CTNNA3: variants seen among roughly 807,000 people sequenced by gnomAD.
The protein encoded by CTNNA3 is catenin alpha-3.
In CTNNA3, 76 loss-of-function variants were observed where a neutral mutation model predicts 95.7. The observed-to-expected ratio is 0.79, with a 90% CI of 0.66 to 0.96. CTNNA3 has a LOEUF of 0.96. Ranked by LOEUF, CTNNA3 falls within the 40% of genes least tolerant of loss-of-function variation. The pLI is 0.00. For missense variants in CTNNA3, 1,191 were observed against 1,089.8 expected, an observed-to-expected ratio of 1.09 and a Z score of -1.31; for synonymous variants, 431 against 374.4, an observed-to-expected ratio of 1.15 and a Z score of -1.74.
At chr10:66,272,825 A>AG (rs755755880) in intron 13 of CTNNA3, among the ~76,000 whole-genome samples, 26 of 152,126 alleles carry the variant, frequency 1.7e-4, no homozygotes, top group Non-Finnish European at 2.8e-4. Context: ...CCTTATCCAC[A>AG]GGGGTTATGT....
intron 4 of CTNNA3, among the ~76,000 whole-genome samples, chr10:67,533,734 T>C (rs1181370817): frequency 6.6e-6 from 1 of 152,210 alleles, no homozygotes; most frequent in Non-Finnish European, 1.5e-5. Context: ...GACTGTGTCC[T>C]TGTAAATGTT....
At chr10:66,998,478 T>C (rs774285369) in intron 7 of CTNNA3, among the ~76,000 whole-genome samples, 1 of 152,246 alleles carries the variant, frequency 6.6e-6, no homozygotes, top group Non-Finnish European at 1.5e-5. Context: ...ATATTGCAAA[T>C]TATATTTTTA....
At chr10:65,984,605 A>G (rs1288231512) in intron 16 of CTNNA3, among the ~76,000 whole-genome samples, 1 of 151,302 alleles carries the variant, frequency 6.6e-6, no homozygotes, top group Non-Finnish European at 1.5e-5. Context: ...GCTAAAAACA[A>G]TGACATAATT....
At chr10:66,159,952 A>G (rs2084758407) in intron 13 of CTNNA3, among the ~76,000 whole-genome samples, 1 of 151,884 alleles carries the variant, frequency 6.6e-6, no homozygotes, top group African/African-American at 2.4e-5. Flanking sequence ...TAAGTTTTCT[A>G]GTTTATTTAC....
intron 1 of CTNNA3, among the ~76,000 whole-genome samples, chr10:67,751,574 C>T (rs535947380): frequency 4.0e-5 from 6 of 151,686 alleles, no homozygotes; most frequent in Non-Finnish European, 8.8e-5. Flanking sequence ...GCTAACTAGA[C>T]TAATGAAGAA....
intron 5 of CTNNA3, among the ~76,000 whole-genome samples, chr10:67,504,324 G>C (rs1001080349): frequency 6.7e-6 from 1 of 149,342 alleles, no homozygotes; most frequent in Non-Finnish European, 1.5e-5. Context: ...GTGATGGCAG[G>C]CGCCTGTAGT....
At chr10:67,754,825 C>G (rs1204647651) in intron 1 of CTNNA3, among the ~76,000 whole-genome samples, 1 of 152,056 alleles carries the variant, frequency 6.6e-6, no homozygotes, top group African/African-American at 2.4e-5. Flanking sequence ...ATAAGGAGCT[C>G]AAACAACTCA....
chr10:67,703,857 G>T (rs901138029), intron 1 of CTNNA3, among the ~76,000 whole-genome samples: 17 of 152,324 alleles, frequency 1.1e-4, no homozygotes, highest in African/African-American at 3.8e-4. Context: ...CAGATGACAT[G>T]ATTGTATATC....
At chr10:67,013,612 ACTT>A (rs1467717025) in intron 7 of CTNNA3, among the ~76,000 whole-genome samples, 1 of 152,174 alleles carries the variant, frequency 6.6e-6, no homozygotes, top group African/African-American at 2.4e-5. Flanking sequence ...AGTACAGATT[ACTT>A]CCTTTTCTTG....
intron 7 of CTNNA3, among the ~76,000 whole-genome samples, chr10:66,949,518 A>C (rs2132714363): frequency 6.6e-6 from 1 of 152,088 alleles, no homozygotes; most frequent in East Asian, 1.9e-4. Flanking sequence ...AGATCGCGCC[A>C]TTGGACTCCA....
chr10:67,247,610 ATCAAAAT>A (rs753035155), intron 5 of CTNNA3, among the ~76,000 whole-genome samples: 20 of 152,178 alleles, frequency 1.3e-4, no homozygotes, highest in Non-Finnish European at 2.9e-4. Context: ...TGTAATTTCT[ATCAAAAT>A]TCCAACTGTG....
At chr10:66,960,669 T>C (rs1849059949) in intron 7 of CTNNA3, among the ~76,000 whole-genome samples, 1 of 152,192 alleles carries the variant, frequency 6.6e-6, no homozygotes, top group Non-Finnish European at 1.5e-5. Flanking sequence ...GGAAGGTTCA[T>C]TTAAATTTGC....
intron 1 of CTNNA3, among the ~76,000 whole-genome samples, chr10:67,692,069 G>T (rs1228509775): frequency 1.4e-5 from 2 of 142,540 alleles, no homozygotes; most frequent in Non-Finnish European, 3.1e-5. Flanking sequence ...GAGGGAGGTG[G>T]GGGGGTCAGC....
chr10:66,218,834 T>C (rs1430508297), intron 13 of CTNNA3, among the ~76,000 whole-genome samples: 1 of 152,226 alleles, frequency 6.6e-6, no homozygotes, highest in Non-Finnish European at 1.5e-5. Context: ...AAAGAGCCTT[T>C]TACACACTGT....
chr10:66,866,951 T>G (rs1354468528), intron 7 of CTNNA3, among the ~76,000 whole-genome samples: 8 of 152,094 alleles, frequency 5.3e-5, no homozygotes, highest in Non-Finnish European at 1.5e-5. Flanking sequence ...TCCATACTGC[T>G]CTCATGGTGG....
At chr10:66,430,851 T>G (rs1393027303) in intron 11 of CTNNA3, among the ~76,000 whole-genome samples, 2 of 151,892 alleles carry the variant, frequency 1.3e-5, no homozygotes, top group African/African-American at 4.8e-5. Flanking sequence ...GGGCAAGGAC[T>G]TCATGTCTAA....
rs185891807 is a variant in CTNNA3 at position 67,757,939 on chromosome 10, G to A, written c.-2+5495C>T. On this transcript the variant is annotated intron_variant, in intron 1 of 17. Transcript: ENST00000684154. ...ATCTGGTAAAATGTTATCTATGGGT[G>A]TGTTTGTGAGGGTATCTCCAGAAGT... 7.9e-4 allele frequency among the ~76,000 whole-genome samples: 121 copies of A among 152,252 alleles called. 1 individual carries two copies. Among genetic ancestry groups the A allele is most frequent in the Middle Eastern group, 6.8e-3 (2 of 294 alleles).
chr10:66,451,898 C>T (rs974250836), intron 11 of CTNNA3, among the ~76,000 whole-genome samples: 5 of 152,288 alleles, frequency 3.3e-5, no homozygotes, highest in African/African-American at 1.2e-4. Context: ...TATCTATAAG[C>T]ATGGTCCACA....
intron 13 of CTNNA3, among the ~76,000 whole-genome samples, chr10:66,262,726 A>C (rs2091042245): frequency 6.6e-6 from 1 of 152,072 alleles, no homozygotes; most frequent in South Asian, 2.1e-4. Flanking sequence ...AGTGAGGCTA[A>C]AATTTGTACT....
Sources: allele counts gnomAD v4.1 joint callset (sites outside exome capture counted in the v4.1 genomes callset), GRCh38; gene constraint gnomAD v4.1.1; transcripts MANE v1.5; gene names NCBI Gene and HGNC (gene_info 2026-07-23, HGNC 2026-07-21).